The following CCNB3 variants were observed in gnomAD, a reference collection of about 807,000 sequenced individuals.
CCNB3 encodes the protein G2/mitotic-specific cyclin-B3.
Under a neutral mutation model 68.0 loss-of-function variants are expected in CCNB3, and 12 were observed. The observed-to-expected ratio is 0.18, with a 90% CI of 0.11 to 0.29. CCNB3 has a LOEUF of 0.29. Among genes scored for constraint, CCNB3 ranks in the 10% least tolerant of loss-of-function variants. The probability of loss-of-function intolerance (pLI) is 1.00; values close to 1 mark genes in which losing one functional copy is unlikely to be tolerated. For synonymous variants in CCNB3, 354 were observed against 388.9 expected (o/e 0.91, Z 1.06); for missense variants, 904 against 993.1 (o/e 0.91, Z 1.21).
At chrX:50,279,537 AT>A (rs1936051054) in intron 1 of CCNB3, among the ~76,000 whole-genome samples, 47 of 84,815 alleles carry the variant, frequency 5.5e-4, no homozygotes, top group African/African-American at 2.0e-3. Flanking sequence ...ATATGAATAT[AT>A]ATTCATATAT....
chrX:50,226,245 A>AGAATATATATATTTATATATAT (rs1935780009), intron 1 of CCNB3, among the ~76,000 whole-genome samples: 17 of 69,128 alleles, frequency 2.5e-4, no homozygotes, highest in Non-Finnish European at 4.8e-5. Context: ...TTATATATAT[A>AGAATATATATATTTATATATAT]GAATATATAT....
At chrX:50,338,520 A>G (rs1557219142) in intron 8 of CCNB3, among the ~76,000 whole-genome samples, 1 of 112,036 alleles carries the variant, frequency 8.9e-6, no homozygotes, top group Non-Finnish European at 1.9e-5. Context: ...AGGGATTTTC[A>G]CAGTGCTTTT....
At chrX:50,213,170 A>G (rs1381785578) in intron 1 of CCNB3, among the ~76,000 whole-genome samples, 3 of 112,167 alleles carry the variant, frequency 2.7e-5, no homozygotes, top group African/African-American at 9.7e-5. Context: ...CTGTAGATCA[A>G]TCTGGGCATT....
chrX:50,214,709 T>A (rs1168792585), intron 1 of CCNB3, among the ~76,000 whole-genome samples: 1 of 101,965 alleles, frequency 9.8e-6, no homozygotes, highest in Admixed American at 1.1e-4. Context: ...TTATTATATA[T>A]AAATTTAAAA....
Position 50,347,676 on chromosome X carries a change from G to A in CCNB3, c.3861G>A (p.Glu1287=). 1 of 1,210,959 alleles carries A rather than the reference G, an allele frequency of 8.3e-7. No individual in the cohort carries two copies. The highest frequency in any genetic ancestry group is 1.1e-6 in the Non-Finnish European group (1 of 895,196). The change falls in exon 11 of 13, where the codon GAG becomes GAA. Residue 1287 remains glutamate, a synonymous_variant. Coordinates refer to ENST00000376042, the MANE Select transcript of CCNB3 (RefSeq NM_033031.3). The part of the protein sequence containing the change: ...KTLTLSRYIC[E]MTLQEYHYVQ... ...TGACCTTGTCCCGCTACATCTGCGA[G>A]ATGACCCTGCAGGAATACCACTATG...
In CCNB3 at chrX:50,294,913, T is replaced by C. The variant is rs185845142; in HGVS notation, c.255T>C (p.Phe85=). ...VQPKKEANKE[F]VKVVSKKINR... ...CCAAGAAAGAAGCCAATAAAGAGTT[T>C]GTAAAAGTTGTTTCCAAGAAGATAA... is the stretch of plus-strand genomic sequence containing the variant. The change falls in exon 5 of 13, where the codon TTT becomes TTC. Residue 85 remains phenylalanine (F), a synonymous_variant. Coordinates refer to ENST00000376042, the MANE Select transcript of CCNB3 (RefSeq NM_033031.3). 333 of 1,208,148 alleles carry C rather than the reference T, an allele frequency of 2.8e-4. No homozygotes were observed. The highest frequency in any genetic ancestry group is 4.2e-4 in the Admixed American group (19 of 45,598).
At chrX:50,228,621 T>C (rs986380141) in intron 1 of CCNB3, among the ~76,000 whole-genome samples, 2 of 85,145 alleles carry the variant, frequency 2.3e-5, no homozygotes, top group South Asian at 5.3e-4. Flanking sequence ...ATATAGAATA[T>C]ATATAGAATA....
intron 5 of CCNB3, among the ~76,000 whole-genome samples, chrX:50,307,739 A>G (rs2147058211): frequency 9.0e-6 from 1 of 111,009 alleles, no homozygotes; most frequent in South Asian, 3.9e-4. Flanking sequence ...TCTGCTGTGG[A>G]TATACCTCTA....
At chrX:50,221,117 A>T (rs898322450) in intron 1 of CCNB3, among the ~76,000 whole-genome samples, 102 of 111,047 alleles carry the variant, frequency 9.2e-4, no homozygotes, top group African/African-American at 3.3e-3. Context: ...ATCAGTGGTG[A>T]TATCCCCTTT....
chrX:50,344,946 T>C (rs1923325134), intron 9 of CCNB3, among the ~76,000 whole-genome samples: 1 of 110,804 alleles, frequency 9.0e-6, no homozygotes, highest in Non-Finnish European at 1.9e-5. Context: ...TTGGCAACTT[T>C]TACCAAGGAT....
chrX:50,227,223 T>A (rs1935877466), intron 1 of CCNB3, among the ~76,000 whole-genome samples: 1 of 81,748 alleles, frequency 1.2e-5, no homozygotes, highest in Non-Finnish European at 2.2e-5. Flanking sequence ...ATATACAGAA[T>A]ATATATATAA....
At chrX:50,284,224 C>T (rs757506842) in intron 1 of CCNB3, among the ~76,000 whole-genome samples, 3 of 111,222 alleles carry the variant, frequency 2.7e-5, no homozygotes, top group Non-Finnish European at 3.8e-5. Context: ...TCACCATCTT[C>T]GTCCTTAGGT....
intron 5 of CCNB3, among the ~76,000 whole-genome samples, chrX:50,298,945 G>A (rs1193505173): frequency 8.9e-6 from 1 of 111,830 alleles, no homozygotes; most frequent in Non-Finnish European, 1.9e-5. Context: ...ATTCTCTGAT[G>A]GTAGTTTGTA....
At chrX:50,289,589 G>C (rs782518099) in intron 4 of CCNB3, among the ~76,000 whole-genome samples, 1 of 111,704 alleles carries the variant, frequency 9.0e-6, no homozygotes, top group Non-Finnish European at 1.9e-5. Context: ...CACTTACTGG[G>C]TGCTTACCAT....
chrX:50,314,979 C>T (rs1000270569), intron 8 of CCNB3, among the ~76,000 whole-genome samples: 1 of 111,363 alleles, frequency 9.0e-6, no homozygotes, highest in Non-Finnish European at 1.9e-5. Context: ...ATATCTCTGC[C>T]AGCTGGAATG....
chrX:50,335,231 C>A (rs1309390869), intron 8 of CCNB3, among the ~76,000 whole-genome samples: 1 of 112,125 alleles, frequency 8.9e-6, no homozygotes, highest in Non-Finnish European at 1.9e-5. Context: ...GTAGTGACAC[C>A]TGACTCCGGA....
At chrX:50,217,886 AT>A (rs1935604807) in intron 1 of CCNB3, among the ~76,000 whole-genome samples, 1 of 111,716 alleles carries the variant, frequency 9.0e-6, no homozygotes, top group African/African-American at 3.3e-5. Context: ...TCTCTCCCAG[AT>A]TTGGGAAATT....
rs1921925317 is a variant in CCNB3 at position 50,319,859 on chromosome X, G to T, written c.3516+5911G>T. Among the ~76,000 whole-genome samples the T allele has an allele frequency of 2.7e-5, 3 of 110,979 alleles. No homozygotes were observed. In the Admixed American group the frequency reaches 2.9e-4, roughly 11 times the overall value. ...GAACTTTGTCAAATGCTTTTTTCCT[G>T]CATCTATTGATTTTTTTTTGTTTTA... On this transcript the variant is annotated intron_variant, in intron 8 of 12. Transcript: ENST00000376042.
chrX:50,299,158 T>G (rs1936561543), intron 5 of CCNB3, among the ~76,000 whole-genome samples: 1 of 111,757 alleles, frequency 8.9e-6, no homozygotes, highest in Non-Finnish European at 1.9e-5. Context: ...TCTTGGTTGT[T>G]TCTTGCCTTC....
Sources: allele counts gnomAD v4.1 joint callset (sites outside exome capture counted in the v4.1 genomes callset), GRCh38; gene constraint gnomAD v4.1.1; transcripts MANE v1.5; gene names NCBI Gene and HGNC (gene_info 2026-07-23, HGNC 2026-07-21).